Variants in ABCC3 observed in about 807,000 individuals in gnomAD.
The protein encoded by ABCC3 is ATP-binding cassette sub-family C member 3.
ABCC3 carries 121 observed loss-of-function variants against 165.3 expected under a neutral mutation model. The ratio of observed to expected loss-of-function variants is 0.73; its 90% CI spans 0.63 to 0.85. ABCC3 has a LOEUF of 0.85. ABCC3 is among the 40% of genes least tolerant of loss of function. The pLI is 0.00. For missense variants in ABCC3, 1,869 were observed against 1,964.1 expected (o/e 0.95, Z 0.92); for synonymous variants, 733 against 810.1 (o/e 0.90, Z 1.62).
In ABCC3 at chr17:50,676,035, A is replaced by G; in HGVS notation, c.3012A>G (p.Arg1004=). The part of the protein sequence containing the change: ...AWTNDAMADS[R]QNNTSLRLGV... ...CAAATGATGCCATGGCAGACAGTAG[A>G]CAGAACAACACTTCCCTGAGGCTGG... Residue 1004 remains arginine, a synonymous_variant, in exon 22 of 31, where the codon AGA becomes AGG. Coordinates refer to ENST00000285238, the MANE Select transcript of ABCC3 (RefSeq NM_003786.4). The G allele has an allele frequency of 6.2e-7, 1 of 1,614,178 alleles. No individual in the cohort carries two copies. The highest frequency in any genetic ancestry group is 8.5e-7 in the Non-Finnish European group (1 of 1,180,026).
At chr17:50,678,538 T>G (rs553664983) in intron 25 of ABCC3, among the ~76,000 whole-genome samples, 50 of 152,244 alleles carry the variant, frequency 3.3e-4, no homozygotes, top group African/African-American at 1.2e-3. Context: ...GCCTGACACC[T>G]CACAGTTCAA....
chr17:50,687,454 A>G (rs943737728), intron 29 of ABCC3, 82 bp from the exon 30 acceptor site: 8 of 1,386,136 alleles, frequency 5.8e-6, no homozygotes, highest in Middle Eastern at 1.9e-4. Context: ...TGGGCCACTG[A>G]GGAGTGAAAC....
At chr17:50,648,313 G>C (rs1967043688) in intron 1 of ABCC3, among the ~76,000 whole-genome samples, 1 of 152,176 alleles carries the variant, frequency 6.6e-6, no homozygotes, top group African/African-American at 2.4e-5. Context: ...TCGGGGATTG[G>C]AGGGCTGAAG....
chr17:50,673,031 G>A lies in ABCC3; in HGVS notation c.2302G>A (p.Asp768Asn). 6.2e-7 allele frequency: 1 copy of A among 1,614,198 alleles called. No homozygotes were observed. The highest frequency in any genetic ancestry group is 8.5e-7 in the Non-Finnish European group (1 of 1,180,050). ...CAGTCTGGCTCGAGCTGTTTACAGT[G>A]ATGCCGATATTTTCTTGCTGGATGA... ...RVSLARAVYS[D>N]ADIFLLDDPL... Residue 768 changes from aspartate (D) to asparagine (N), a missense_variant, in exon 18 of 31, where the codon GAT becomes AAT. Transcript: ENST00000285238.
rs1296778798 is a variant in ABCC3, at chr17:50,667,984, C to A, written c.1757C>A (p.Pro586His). The A allele has an allele frequency of 2.5e-6, 4 of 1,614,136 alleles. No homozygotes were observed. Among genetic ancestry groups the A allele is most frequent in the Non-Finnish European group, 3.4e-6 (4 of 1,180,018 alleles). The change falls in exon 13 of 31, where the codon CCC (proline) becomes CAC (histidine). Residue 586 changes from proline (P) to histidine (H), a missense_variant. Physicochemically the swap from Pro to His is moderately conservative, Grantham distance 77 (BLOSUM62 -2). Coordinates refer to ENST00000285238, the MANE Select transcript of ABCC3 (RefSeq NM_003786.4). ...NILRLPLNML[P>H]QLISNLTQAS... ...TTAAGACTTCCCCTCAACATGCTGC[C>A]CCAGTTAATCAGCAACCTGACTCAG...
At chr17:50,640,681 G>C (rs1390790476) in intron 1 of ABCC3, among the ~76,000 whole-genome samples, 1 of 152,226 alleles carries the variant, frequency 6.6e-6, no homozygotes, top group African/African-American at 2.4e-5. Context: ...ACCATGCCTA[G>C]ATAATTTTTT....
intron 23 of ABCC3, 47 bp downstream of exon 23, chr17:50,676,635 G>T: frequency 1.3e-6 from 2 of 1,522,000 alleles, no homozygotes. Context: ...TTATTGGGGC[G>T]GGGCAACACA....
intron 1 of ABCC3, among the ~76,000 whole-genome samples, chr17:50,652,756 G>A (rs2146600136): frequency 6.6e-6 from 1 of 152,340 alleles, no homozygotes; most frequent in African/African-American, 2.4e-5. Flanking sequence ...ACTTTCAAAA[G>A]GCACCTGCCT....
chr17:50,664,958 C>T (rs1326536546), intron 10 of ABCC3, among the ~76,000 whole-genome samples, 195 bp from the exon 11 acceptor site: 1 of 152,132 alleles, frequency 6.6e-6, no homozygotes, highest in Non-Finnish European at 1.5e-5. Flanking sequence ...TCCCTGTCGT[C>T]GTTATCTAAT....
Position 50,663,835 on chromosome 17 carries a change from A to G in ABCC3, c.1153A>G (p.Ile385Val). The change falls in exon 9 of 31, where the codon ATC becomes GTC. Residue 385 changes from isoleucine to valine, a missense_variant. Coordinates refer to ENST00000285238, the MANE Select transcript of ABCC3 (RefSeq NM_003786.4). ...GACTGGGGTGAAGTTTCGTACTGGG[A>G]TCATGGGTGTCATCTACAGGAAGGT... ...FVTGVKFRTG[I>V]MGVIYRKALV... 2 of 1,614,118 alleles carry G rather than the reference A, an allele frequency of 1.2e-6. No homozygotes were observed. Among genetic ancestry groups the G allele is most frequent in the Non-Finnish European group, 1.7e-6 (2 of 1,180,022 alleles).
intron 19 of ABCC3, among the ~76,000 whole-genome samples, chr17:50,674,845 G>T (rs1046373577): frequency 1.0e-4 from 15 of 150,646 alleles, no homozygotes; most frequent in Middle Eastern, 3.4e-3. Context: ...TGTTGCCCAG[G>T]CTGGAGTGCA....
intron 17 of ABCC3, among the ~76,000 whole-genome samples, 174 bp from the exon 18 acceptor site, chr17:50,672,797 G>A (rs188929122): frequency 2.6e-5 from 4 of 151,942 alleles, no homozygotes; most frequent in East Asian, 1.9e-4. Context: ...GCTCAAACGC[G>A]AGAGGCAGAG....
chr17:50,668,249 A>C (rs981505066), intron 13 of ABCC3, among the ~76,000 whole-genome samples, 181 bp from the exon 14 acceptor site: 1 of 152,108 alleles, frequency 6.6e-6, no homozygotes, highest in African/African-American at 2.4e-5. Context: ...CCTCTTACCA[A>C]CCTGGACTTT....
intron 2 of ABCC3, 66 bp downstream of exon 2, chr17:50,656,074 TTTAATTAAATTAATTAA>T (rs2146604834): frequency 8.3e-7 from 1 of 1,206,720 alleles, no homozygotes; most frequent in East Asian, 2.9e-5. Context: ...TATTTTTTAA[TTTAATTAAATTAATTAA>T]TTAATTAATT....
intron 1 of ABCC3, among the ~76,000 whole-genome samples, chr17:50,647,449 G>A (rs1054146287): frequency 1.3e-5 from 2 of 152,240 alleles, no homozygotes; most frequent in Admixed American, 1.3e-4. Flanking sequence ...GACGCCATCT[G>A]AGAGGCAGCA....
intron 29 of ABCC3, among the ~76,000 whole-genome samples, chr17:50,686,978 G>C (rs1188785757): frequency 6.6e-6 from 1 of 152,102 alleles, no homozygotes; most frequent in African/African-American, 2.4e-5. Flanking sequence ...GAAGGCGTGT[G>C]TCCTGCTCCT....
In ABCC3 at chr17:50,673,553, A is replaced by G; in HGVS notation, c.2494A>G (p.Met832Val). The G allele has an allele frequency of 6.2e-7, 1 of 1,614,142 alleles. No homozygotes were observed. The highest frequency in any genetic ancestry group is 8.5e-7 in the Non-Finnish European group (1 of 1,180,006). Residue 832 changes from methionine (M) to valine (V), a missense_variant, in exon 19 of 31, where the codon ATG becomes GTG. Coordinates refer to ENST00000285238, the MANE Select transcript of ABCC3 (RefSeq NM_003786.4). ...IVLADGQVSE[M>V]GPYPALLQRN... ...GCTAGCTGATGGACAGGTGTCTGAG[A>G]TGGGCCCGTACCCAGCCCTGCTGCA...
At chr17:50,663,600 C>A in intron 8 of ABCC3, 81 bp from the exon 9 acceptor site, 3 of 1,506,090 alleles carry the variant, frequency 2.0e-6, no homozygotes, top group Non-Finnish European at 2.7e-6. Context: ...GTGGAGACTG[C>A]GGGTAAAAGC....
intron 27 of ABCC3, 89 bp downstream of exon 27, chr17:50,683,845 A>C: frequency 1.9e-6 from 3 of 1,560,368 alleles, no homozygotes; most frequent in Non-Finnish European, 2.6e-6. Flanking sequence ...TTTTGAGAGC[A>C]CAAGTGCTCC....
Sources: allele counts gnomAD v4.1 joint callset (sites outside exome capture counted in the v4.1 genomes callset), GRCh38; gene constraint gnomAD v4.1.1; transcripts MANE v1.5; gene names NCBI Gene and HGNC (gene_info 2026-07-23, HGNC 2026-07-21).